The following TTBK2 variants were observed in gnomAD, a reference collection of about 807,000 sequenced individuals.
TTBK2 encodes the protein tau tubulin kinase 2.
In TTBK2, 28 loss-of-function variants were observed where a neutral mutation model predicts 110.8. The ratio of observed to expected loss-of-function variants is 0.25; its 90% CI spans 0.19 to 0.35. The LOEUF (loss-of-function observed/expected upper bound fraction) is 0.35, where lower values mean the gene tolerates loss of function less well. TTBK2 is among the 10% of genes least tolerant of loss of function. TTBK2 has a pLI of 1.00. For synonymous variants in TTBK2, 532 were observed against 527.3 expected, an observed-to-expected ratio of 1.01 and a Z score of -0.12; for missense variants, 1,369 against 1,500.3, an observed-to-expected ratio of 0.91 and a Z score of 1.45.
intron 3 of TTBK2, among the ~76,000 whole-genome samples, chr15:42,858,034 GC>G (rs1236896556): frequency 6.6e-6 from 1 of 151,918 alleles, no homozygotes. Context: ...AGTGAGCCGA[GC>G]TCACAGTCCA....
chr15:42,768,364 C>G (rs1006417776), intron 13 of TTBK2, among the ~76,000 whole-genome samples: 1 of 150,864 alleles, frequency 6.6e-6, no homozygotes, highest in Non-Finnish European at 1.5e-5. Flanking sequence ...TTAGAAAACC[C>G]CATCATCTCA....
At chr15:42,787,674 A>T (rs1890467028) in intron 10 of TTBK2, among the ~76,000 whole-genome samples, 2 of 152,234 alleles carry the variant, frequency 1.3e-5, no homozygotes, top group Admixed American at 6.5e-5. Context: ...AGACATACTG[A>T]CATTATGTAC....
At chr15:42,797,676 C>A (rs1330546318) in intron 9 of TTBK2, among the ~76,000 whole-genome samples, 1 of 152,080 alleles carries the variant, frequency 6.6e-6, no homozygotes, top group Middle Eastern at 3.2e-3. Flanking sequence ...TGTGTTACAT[C>A]ACATTTGGTT....
intron 10 of TTBK2, among the ~76,000 whole-genome samples, chr15:42,789,436 T>C (rs1317550008): frequency 1.3e-5 from 2 of 152,192 alleles, no homozygotes; most frequent in Admixed American, 1.3e-4. Flanking sequence ...TCTCCTTCTT[T>C]TTAAAAGCTG....
chr15:42,870,676 C>A (rs1015448181), intron 3 of TTBK2, among the ~76,000 whole-genome samples: 1 of 151,848 alleles, frequency 6.6e-6, no homozygotes, highest in Non-Finnish European at 1.5e-5. Context: ...TCCTGGCCAA[C>A]ATGGTGAAAC....
At chr15:42,905,033 G>A (rs2030299101) in intron 1 of TTBK2, among the ~76,000 whole-genome samples, 1 of 151,274 alleles carries the variant, frequency 6.6e-6, no homozygotes, top group South Asian at 2.1e-4. Context: ...CACCATGCCC[G>A]CCTAATTTTT....
intron 1 of TTBK2, among the ~76,000 whole-genome samples, chr15:42,917,639 GA>G (rs1016486281): frequency 1.3e-5 from 2 of 148,716 alleles, no homozygotes; most frequent in Non-Finnish European, 3.0e-5. Context: ...GAAGCCTGGG[GA>G]AAAAACTTCC....
intron 14 of TTBK2, among the ~76,000 whole-genome samples, chr15:42,748,881 AC>A (rs1429346679): frequency 6.6e-6 from 1 of 152,224 alleles, no homozygotes; most frequent in Non-Finnish European, 1.5e-5. Context: ...ATACCATCAG[AC>A]CTAGGGAAAT....
intron 6 of TTBK2, among the ~76,000 whole-genome samples, chr15:42,825,806 C>T (rs1359456459): frequency 6.6e-6 from 1 of 152,118 alleles, no homozygotes; most frequent in Non-Finnish European, 1.5e-5. Context: ...CTAGTGGCTA[C>T]CATATAAGAC....
intron 1 of TTBK2, among the ~76,000 whole-genome samples, chr15:42,905,062 G>C (rs959347799): frequency 6.6e-6 from 1 of 151,978 alleles, no homozygotes; most frequent in Non-Finnish European, 1.5e-5. Flanking sequence ...TGTAGACACA[G>C]GATTTCGCCA....
In TTBK2 at chr15:42,829,918, T is replaced by C; in HGVS notation, c.432+20A>G. 6.2e-7 allele frequency: 1 copy of C among 1,614,040 alleles called. No homozygotes were observed. The highest frequency in any genetic ancestry group is 8.5e-7 in the Non-Finnish European group (1 of 1,179,934). ...AAAGTATCAAACTCATTCTGTGCTC[T>C]GGATAGAAAAGGTCCCTACCGGTTT... On this transcript the variant is annotated intron_variant, in intron 5 of 14. Transcript: ENST00000267890.
intron 10 of TTBK2, among the ~76,000 whole-genome samples, chr15:42,787,847 C>T (rs184097833): frequency 1.3e-3 from 196 of 152,172 alleles, no homozygotes; most frequent in African/African-American, 4.4e-3. Flanking sequence ...AACGGGGATA[C>T]ATTCTAACAA....
At chr15:42,821,782 C>T (rs990192652) in intron 6 of TTBK2, among the ~76,000 whole-genome samples, 5 of 151,648 alleles carry the variant, frequency 3.3e-5, no homozygotes, top group South Asian at 4.2e-4. Flanking sequence ...CTCCACCTCC[C>T]GGGTTCACCC....
intron 10 of TTBK2, among the ~76,000 whole-genome samples, chr15:42,791,159 C>T (rs1890662215): frequency 6.6e-6 from 1 of 152,194 alleles, no homozygotes; most frequent in Non-Finnish European, 1.5e-5. Context: ...GCTGGGATTA[C>T]AGGCGTGAGC....
chr15:42,864,262 ACAGG>A (rs1349357711), intron 3 of TTBK2, among the ~76,000 whole-genome samples: 2 of 152,238 alleles, frequency 1.3e-5, no homozygotes, highest in East Asian at 3.8e-4. Context: ...CTATTTTAAA[ACAGG>A]CAAAGGACAA....
At chr15:42,758,518 G>C (rs995498998) in intron 13 of TTBK2, among the ~76,000 whole-genome samples, 19 of 152,036 alleles carry the variant, frequency 1.2e-4, no homozygotes, top group African/African-American at 4.1e-4. Context: ...AGCCAGGCAT[G>C]GTGGCACATG....
intron 7 of TTBK2, among the ~76,000 whole-genome samples, chr15:42,814,868 T>G (rs1048603763): frequency 6.6e-6 from 1 of 152,188 alleles, no homozygotes; most frequent in Non-Finnish European, 1.5e-5. Context: ...CAAATTCCTC[T>G]ACAAGGTTAG....
At chr15:42,771,132 C>G (rs1889652764) in intron 13 of TTBK2, among the ~76,000 whole-genome samples, 1 of 151,962 alleles carries the variant, frequency 6.6e-6, no homozygotes. Flanking sequence ...TGCCACCACG[C>G]CTGGCTAGTT....
intron 1 of TTBK2, among the ~76,000 whole-genome samples, chr15:42,918,916 A>C (rs1005069663): frequency 2.0e-5 from 3 of 152,210 alleles, no homozygotes; most frequent in Non-Finnish European, 4.4e-5. Context: ...TCAGCCCCCT[A>C]ACCAATGTAC....
Sources: allele counts gnomAD v4.1 joint callset (sites outside exome capture counted in the v4.1 genomes callset), GRCh38; gene constraint gnomAD v4.1.1; transcripts MANE v1.5; gene names NCBI Gene and HGNC (gene_info 2026-07-23, HGNC 2026-07-21).